RIMS1: variants seen among roughly 807,000 people sequenced by gnomAD.
The protein encoded by RIMS1 is regulating synaptic membrane exocytosis 1, also known as regulating synaptic membrane exocytosis protein 1.
Under a neutral mutation model 214.1 loss-of-function variants are expected in RIMS1, and 83 were observed. That is an observed-to-expected ratio of 0.39 (90% CI 0.32 to 0.47). The LOEUF is 0.47. Among genes scored for constraint, RIMS1 ranks in the 20% least tolerant of loss-of-function variants. RIMS1 has a pLI of 0.99. For synonymous variants in RIMS1, 793 were observed against 786.8 expected, an observed-to-expected ratio of 1.01 and a Z score of -0.13; for missense variants, 2,050 against 2,161.8, an observed-to-expected ratio of 0.95 and a Z score of 1.03.
chr6:71,992,601 T>TCTCCTC (rs1393791014), intron 2 of RIMS1, among the ~76,000 whole-genome samples: 36 of 126,384 alleles, frequency 2.8e-4, no homozygotes, highest in Admixed American at 1.5e-3. Flanking sequence ...TCCTCCTCCT[T>TCTCCTC]CTCCTTCTCC....
intron 29 of RIMS1, among the ~76,000 whole-genome samples, chr6:72,383,045 AAAG>A (rs945172188): frequency 2.0e-5 from 3 of 152,140 alleles, no homozygotes; most frequent in Admixed American, 2.0e-4. Context: ...GAACTGAAAC[AAAG>A]AAGAAGATTT....
intron 29 of RIMS1, among the ~76,000 whole-genome samples, chr6:72,380,420 A>G (rs2154418829): frequency 6.6e-6 from 1 of 152,308 alleles, no homozygotes; most frequent in African/African-American, 2.4e-5. Flanking sequence ...AAACAATGCA[A>G]TAAAGCATTT....
intron 4 of RIMS1, among the ~76,000 whole-genome samples, chr6:72,132,390 A>G (rs2040585868): frequency 6.6e-6 from 1 of 152,202 alleles, no homozygotes; most frequent in Admixed American, 6.5e-5. Flanking sequence ...GGGGTCCCTG[A>G]CTTCCCACAA....
Position 72,242,434 on chromosome 6 carries a change from T to C in RIMS1, c.2078T>C (p.Ile693Thr). ...PQVEIIVSRP[I>T]GDIPRIPESS... Reference sequence around the variant, plus strand: ...GTTGAAATTATTGTTTCAAGGCCTATTGGGTAAGGCTAAAAAAACTTACTT... The same window carrying C: ...GTTGAAATTATTGTTTCAAGGCCTACTGGGTAAGGCTAAAAAAACTTACTT... Residue 693 changes from isoleucine (I) to threonine (T), a missense_variant, in exon 10 of 34, where the codon ATT becomes ACT. Ile to Thr is a moderately conservative substitution (Grantham distance 89). Transcript: ENST00000521978. The C allele has an allele frequency of 6.4e-7, 1 of 1,551,920 alleles. No individual in the cohort carries two copies. The highest frequency in any genetic ancestry group is 8.7e-7 in the Non-Finnish European group (1 of 1,147,564).
chr6:71,925,869 T>C (rs1351286606), intron 1 of RIMS1, among the ~76,000 whole-genome samples: 1 of 152,230 alleles, frequency 6.6e-6, no homozygotes, highest in Non-Finnish European at 1.5e-5. Context: ...ATTTTACAGG[T>C]ATTATCCCTG....
At chr6:71,915,585 G>T (rs116170247) in intron 1 of RIMS1, among the ~76,000 whole-genome samples, 3,236 of 152,210 alleles carry the variant, frequency 0.021, 114 homozygotes, top group African/African-American at 0.072. Flanking sequence ...ATGTCAGGGA[G>T]ATAGCAGAGC....
chr6:72,389,582 T>G (rs997562175), intron 29 of RIMS1, among the ~76,000 whole-genome samples: 1 of 152,164 alleles, frequency 6.6e-6, no homozygotes, highest in African/African-American at 2.4e-5. Context: ...AAAGGTTTTA[T>G]GTGGATTGAA....
At chr6:72,049,839 T>G (rs892175737) in intron 2 of RIMS1, among the ~76,000 whole-genome samples, 1 of 152,146 alleles carries the variant, frequency 6.6e-6, no homozygotes. Flanking sequence ...TTTCAGTTTT[T>G]TTCAGAAAAA....
At chr6:72,107,997 GTTTGTTTTGT>G (rs781715593) in intron 4 of RIMS1, among the ~76,000 whole-genome samples, 8 of 151,894 alleles carry the variant, frequency 5.3e-5, no homozygotes, top group Non-Finnish European at 1.0e-4. Context: ...TTTTTTGTTT[GTTTGTTTTGT>G]TTTGTTTTGT....
chr6:72,321,307 T>C (rs905621400), intron 28 of RIMS1, among the ~76,000 whole-genome samples: 1 of 152,102 alleles, frequency 6.6e-6, no homozygotes, highest in Non-Finnish European at 1.5e-5. Flanking sequence ...TATAGTTTTA[T>C]GGTCCATACA....
chr6:72,196,554 A>C (rs1426051096), intron 6 of RIMS1, among the ~76,000 whole-genome samples: 1 of 143,700 alleles, frequency 7.0e-6, no homozygotes, highest in Non-Finnish European at 1.5e-5. Context: ...TTTGCCCTAA[A>C]AGTACTGTGC....
chr6:72,118,452 G>A (rs957750420), intron 4 of RIMS1, among the ~76,000 whole-genome samples: 1 of 151,186 alleles, frequency 6.6e-6, no homozygotes, highest in African/African-American at 2.4e-5. Flanking sequence ...ATAGAAAGAT[G>A]GAATCCTCCC....
At chr6:72,119,775 G>A (rs2037846512) in intron 4 of RIMS1, among the ~76,000 whole-genome samples, 1 of 151,614 alleles carries the variant, frequency 6.6e-6, no homozygotes, top group Non-Finnish European at 1.5e-5. Context: ...TTTACATCAG[G>A]TATTTCTTTA....
intron 21 of RIMS1, 145 bp from the exon 22 acceptor site, chr6:72,265,815 T>C: frequency 1.6e-6 from 1 of 630,868 alleles, no homozygotes; most frequent in Non-Finnish European, 2.8e-6. Context: ...GTCAACTCTC[T>C]CACACCCTTA....
At chr6:72,361,096 C>CTTTTTTTTTTTTTTT (rs70994124) in intron 29 of RIMS1, among the ~76,000 whole-genome samples, 1 of 54,434 alleles carries the variant, frequency 1.8e-5, no homozygotes, top group Non-Finnish European at 3.4e-5. Context: ...GTCTTTCTTT[C>CTTTTTTTTTTTTTTT]TTTTTTTTTT....
At chr6:71,910,778 C>T (rs1178716147) in intron 1 of RIMS1, among the ~76,000 whole-genome samples, 1 of 152,066 alleles carries the variant, frequency 6.6e-6, no homozygotes, top group Non-Finnish European at 1.5e-5. Flanking sequence ...CCAAGGAAAG[C>T]ATGTAAAAGG....
At chr6:72,008,683 A>G (rs1261568950) in intron 2 of RIMS1, among the ~76,000 whole-genome samples, 3 of 152,164 alleles carry the variant, frequency 2.0e-5, no homozygotes, top group Non-Finnish European at 2.9e-5. Context: ...CCTAGCCTCT[A>G]ATAAAACAGA....
chr6:71,988,537 T>TAC (rs1800689590), intron 2 of RIMS1, among the ~76,000 whole-genome samples: 1 of 152,148 alleles, frequency 6.6e-6, no homozygotes, highest in Admixed American at 6.5e-5. Context: ...ATAATATATA[T>TAC]ACAAAACGTG....
chr6:72,387,725 T>C (rs568617648), intron 29 of RIMS1, among the ~76,000 whole-genome samples: 10 of 152,314 alleles, frequency 6.6e-5, no homozygotes, highest in Admixed American at 1.3e-4. Flanking sequence ...TGACTCTTGG[T>C]AGGAGTATAA....
Sources: gnomAD v4.1 joint callset for allele counts (sites outside exome capture counted in the v4.1 genomes callset) on GRCh38, gnomAD v4.1.1 for gene constraint, MANE v1.5 for transcripts, NCBI Gene and HGNC (gene_info 2026-07-23, HGNC 2026-07-21) for gene names.